Variants in MAP2 observed in about 807,000 individuals in gnomAD.
MAP2 encodes the protein microtubule associated protein 2, also known as microtubule-associated protein 2.
MAP2 carries 14 observed loss-of-function variants against 137.6 expected under a neutral mutation model. That is an observed-to-expected ratio of 0.10 (90% CI 0.07 to 0.16). MAP2 has a LOEUF of 0.16. Ranked by LOEUF, MAP2 falls within the 10% of genes least tolerant of loss-of-function variation. The pLI, the probability that MAP2 is intolerant of heterozygous loss-of-function variation, is 1.00. For missense variants in MAP2, 2,088 were observed against 2,191.5 expected (o/e 0.95, Z 0.94); for synonymous variants, 786 against 782.3 (o/e 1.00, Z -0.08).
chr2:209,480,372 T>G (rs772557463), intron 1 of MAP2, among the ~76,000 whole-genome samples: 7 of 152,200 alleles, frequency 4.6e-5, no homozygotes, highest in Non-Finnish European at 7.3e-5. Context: ...AAGGCCATTG[T>G]ACACTTTTTG....
chr2:209,612,749 A>G (rs2087415451), intron 3 of MAP2, among the ~76,000 whole-genome samples: 1 of 152,174 alleles, frequency 6.6e-6, no homozygotes, highest in Non-Finnish European at 1.5e-5. Context: ...ATGAATGGCA[A>G]ATGTCTTTTT....
At chr2:209,715,029 T>C (rs2066977765) in intron 13 of MAP2, among the ~76,000 whole-genome samples, 1 of 152,206 alleles carries the variant, frequency 6.6e-6, no homozygotes, top group East Asian at 1.9e-4. Flanking sequence ...TAAACTTTTA[T>C]TATATTTTCA....
At position 209,695,827 on chromosome 2, in the gene MAP2, G is replaced by A; in HGVS notation, c.3657G>A (p.Glu1219=). The A allele has an allele frequency of 6.2e-7, 1 of 1,614,078 alleles. No individual in the cohort carries two copies. The highest frequency in any genetic ancestry group is 8.5e-7 in the Non-Finnish European group (1 of 1,179,998). ...CCATCACGCCTTCTGATGTTGCAGA[G>A]CCATTGCATGAAACGATCGTATCTG... The part of the protein sequence containing the change: ...DISITPSDVA[E]PLHETIVSEP... Residue 1219 remains glutamate, a synonymous_variant, in exon 8 of 16, where the codon GAG becomes GAA. Coordinates refer to ENST00000682079, the MANE Select transcript of MAP2 (RefSeq NM_001375505.1).
chr2:209,540,458 C>G (rs891556115), intron 2 of MAP2, among the ~76,000 whole-genome samples: 1 of 150,676 alleles, frequency 6.6e-6, no homozygotes, highest in Non-Finnish European at 1.5e-5. Context: ...ATGGTGAAAC[C>G]CCGTCTCTAC....
At chr2:209,554,958 T>TAC (rs1491492966) in intron 2 of MAP2, among the ~76,000 whole-genome samples, 2 of 147,522 alleles carry the variant, frequency 1.4e-5, no homozygotes, top group Non-Finnish European at 3.0e-5. Flanking sequence ...ATATTATTTT[T>TAC]ATATATATAT....
At chr2:209,566,060 C>T (rs527914539) in intron 2 of MAP2, among the ~76,000 whole-genome samples, 33 of 152,312 alleles carry the variant, frequency 2.2e-4, no homozygotes, top group African/African-American at 7.0e-4. Flanking sequence ...CGACTGCTGA[C>T]TATGCACCTC....
chr2:209,555,034 A>C (rs1247178697), intron 2 of MAP2, among the ~76,000 whole-genome samples: 1 of 151,168 alleles, frequency 6.6e-6, no homozygotes, highest in African/African-American at 2.4e-5. Context: ...GAGGCATCGA[A>C]TGGGCAAATA....
chr2:209,474,596 G>A (rs1706689389), intron 1 of MAP2, among the ~76,000 whole-genome samples: 1 of 151,848 alleles, frequency 6.6e-6, no homozygotes, highest in African/African-American at 2.4e-5. Context: ...AGAAAGAGAG[G>A]GGAGAAGTAT....
At chr2:209,509,669 A>G (rs1248568401) in intron 2 of MAP2, among the ~76,000 whole-genome samples, 1 of 151,918 alleles carries the variant, frequency 6.6e-6, no homozygotes, top group Non-Finnish European at 1.5e-5. Context: ...CATTTTTTTC[A>G]ACTATAACTA....
intron 14 of MAP2, among the ~76,000 whole-genome samples, chr2:209,728,516 A>G (rs1559682168): frequency 6.6e-6 from 1 of 152,328 alleles, no homozygotes; most frequent in East Asian, 1.9e-4. Flanking sequence ...TTTCTCCAAA[A>G]TGTAATCTAA....
intron 1 of MAP2, among the ~76,000 whole-genome samples, chr2:209,439,317 A>G (rs1697170032): frequency 6.6e-6 from 1 of 151,612 alleles, no homozygotes; most frequent in African/African-American, 2.4e-5. Context: ...ACATTTATTA[A>G]TACCTATACT....
chr2:209,499,660 C>T (rs116328992), intron 1 of MAP2, among the ~76,000 whole-genome samples: 24 of 152,180 alleles, frequency 1.6e-4, no homozygotes, highest in African/African-American at 5.3e-4. Context: ...AACACAGTGC[C>T]GGCATCAGCT....
rs1405687994 is a variant in MAP2 at position 209,638,425 on chromosome 2, C to T, written c.-30+13296C>T. On this transcript the variant is annotated intron_variant, in intron 4 of 15. Coordinates refer to ENST00000682079, the MANE Select transcript of MAP2 (RefSeq NM_001375505.1). ...TTAGAATTCCTCTGAATCACAATTA[C>T]AGCTGCAGTGGGCACAGCACAACAC... Among the ~76,000 whole-genome samples, 2 of 152,108 alleles carry T rather than the reference C, an allele frequency of 1.3e-5. 1 individual carries two copies. Among genetic ancestry groups the T allele is most frequent in the Non-Finnish European group, 2.9e-5 (2 of 68,010 alleles).
rs1239907267 is a variant in MAP2 at position 209,654,946 on chromosome 2, CA to C, written c.262+1515del. 2.0e-5 allele frequency among the ~76,000 whole-genome samples: 3 copies of C among 152,110 alleles called. No homozygotes were observed. The East Asian group carries it at 5.8e-4, about 29-fold the overall frequency. ...CTTACTTTGTCCCTTGGGCTCTCGC[CA>C]GTTGACTCTCAGTGCCTGTTATGAA... On this transcript the variant is annotated intron_variant, in intron 5 of 15. Coordinates refer to ENST00000682079, the MANE Select transcript of MAP2 (RefSeq NM_001375505.1).
chr2:209,579,935 A>G (rs563117567), intron 2 of MAP2, 101 bp from the exon 3 acceptor site: 1 of 152,022 alleles, frequency 6.6e-6, no homozygotes, highest in East Asian at 1.9e-4. Flanking sequence ...TTATTTGAGT[A>G]TAAAGAATGC....
At chr2:209,465,347 A>G (rs913613247) in intron 1 of MAP2, among the ~76,000 whole-genome samples, 6 of 152,216 alleles carry the variant, frequency 3.9e-5, no homozygotes, top group Admixed American at 6.5e-5. Flanking sequence ...TTAGTAATCT[A>G]TCATTGGAGT....
chr2:209,583,474 G>T (rs945857687), intron 3 of MAP2, among the ~76,000 whole-genome samples: 15 of 151,844 alleles, frequency 9.9e-5, no homozygotes, highest in African/African-American at 2.9e-4. Context: ...GCAAGGTTTG[G>T]GTTTTTTTTT....
intron 1 of MAP2, among the ~76,000 whole-genome samples, chr2:209,441,406 A>T (rs1479273925): frequency 1.3e-5 from 2 of 151,638 alleles, no homozygotes; most frequent in Non-Finnish European, 3.0e-5. Context: ...CAGATGATCT[A>T]CCAATGTCTA....
rs73071062 is a variant in MAP2, at chr2:209,608,779, C to A, written c.-106-16274C>A. Among the ~76,000 whole-genome samples the A allele has an allele frequency of 3.2e-3, 494 of 152,160 alleles. 3 individuals carry two copies. The highest frequency in any genetic ancestry group is 0.011 in the African/African-American group (463 of 41,518). On this transcript the variant is annotated intron_variant, in intron 3 of 15. Coordinates refer to ENST00000682079, the MANE Select transcript of MAP2 (RefSeq NM_001375505.1). The stretch of plus-strand genomic sequence containing the variant: ...GGATTCCATCCCCTCTGTTATATGA[C>A]CCCTACCTACATTTCCATTTCTATC...
Sources: gnomAD v4.1 joint callset for allele counts (sites outside exome capture counted in the v4.1 genomes callset) on GRCh38, gnomAD v4.1.1 for gene constraint, MANE v1.5 for transcripts, NCBI Gene and HGNC (gene_info 2026-07-23, HGNC 2026-07-21) for gene names.